Variants in HMCN2 observed in about 807,000 individuals in gnomAD.
HMCN2 encodes the protein hemicentin 2.
HMCN2 carries 325 observed loss-of-function variants against 377.5 expected under a neutral mutation model. That is an observed-to-expected ratio of 0.86 (90% confidence interval 0.79 to 0.94). The LOEUF (loss-of-function observed/expected upper bound fraction) is 0.94, where lower values mean the gene tolerates loss of function less well. HMCN2 is among the 40% of genes least tolerant of loss of function. The pLI, the probability that HMCN2 is intolerant of heterozygous loss-of-function variation, is 0.00. For missense variants in HMCN2, 4,543 were observed against 4,725.3 expected, an observed-to-expected ratio of 0.96 and a Z score of 1.13; for synonymous variants, 2,007 against 2,046.8, an observed-to-expected ratio of 0.98 and a Z score of 0.53.
intron 44 of HMCN2, among the ~76,000 whole-genome samples, chr9:130,368,852 A>G (rs11243783): frequency 1.3e-5 from 2 of 152,170 alleles, no homozygotes; most frequent in Non-Finnish European, 2.9e-5. Flanking sequence ...GAAACCGCCC[A>G]GATGATCCAA....
In HMCN2 at chr9:130,417,540, A is replaced by C. The variant is rs1843764287; in HGVS notation, c.12962-1232A>C. Among the ~76,000 whole-genome samples, 5 of 144,288 alleles carry C rather than the reference A, an allele frequency of 3.5e-5. 1 individual carries two copies. The South Asian group carries it at 8.4e-4, about 24-fold the overall frequency. 94.7% of individuals were successfully genotyped at this position (144,288 alleles called of 152,430 possible). Reference sequence around the variant, plus strand: ...CCGTCTCAAAAAAAAAAAAAAAACAAAAAAAAACGAGAGAGACAGAGAGCT... The same window carrying C: ...CCGTCTCAAAAAAAAAAAAAAAACACAAAAAAACGAGAGAGACAGAGAGCT... On this transcript the variant is annotated intron_variant, in intron 85 of 97. Transcript: ENST00000683500.
rs1238553893 is a variant in HMCN2, at chr9:130,402,822, AC to A, written c.11805del (p.His3935GlnfsTer15). 1.0e-5 allele frequency: 13 copies of A among 1,289,496 alleles called. No individual in the cohort carries two copies. The highest frequency in any genetic ancestry group is 1.3e-5 in the Non-Finnish European group (13 of 988,800). 79.9% of individuals were successfully genotyped at this position (1,289,496 alleles called of 1,614,324 possible). ...GAGATCGGGCAGGCCCTCCCCATCC[AC>A]GCAGGCCGCTACACCTGCTCAGCCC... ...ALEIGQALPI[H>X]AGRYTCSARN... On this transcript the variant is annotated frameshift_variant, in exon 78 of 98. Coordinates refer to ENST00000683500, the MANE Select transcript of HMCN2 (RefSeq NM_001291815.2). LOFTEE classifies it high-confidence loss of function.
chr9:130,430,100 G>A, intron 94 of HMCN2, 184 bp from the exon 95 acceptor site: 2 of 624,944 alleles, frequency 3.2e-6, no homozygotes, highest in Non-Finnish European at 5.5e-6. Flanking sequence ...GGAGCTGTAG[G>A]TGGAATCGGA....
At chr9:130,378,920 G>A (rs932968433) in intron 53 of HMCN2, among the ~76,000 whole-genome samples, 2 of 152,160 alleles carry the variant, frequency 1.3e-5, no homozygotes, top group African/African-American at 4.8e-5. Flanking sequence ...ATGATTTTGT[G>A]CCTCTATGCT....
intron 6 of HMCN2, among the ~76,000 whole-genome samples, chr9:130,296,166 G>A (rs1836140534): frequency 6.6e-6 from 1 of 152,194 alleles, no homozygotes; most frequent in South Asian, 2.1e-4. Context: ...GCCAGGGACT[G>A]TGGGCCAGTT....
At chr9:130,310,788 C>T (rs1465949980) in intron 15 of HMCN2, among the ~76,000 whole-genome samples, 4 of 152,166 alleles carry the variant, frequency 2.6e-5, no homozygotes, top group East Asian at 1.9e-4. Flanking sequence ...ATTCCAGTCT[C>T]GTCTCTGTCC....
At position 130,394,449 on chromosome 9, in the gene HMCN2, GGAGCTCCTCTGTGAT is replaced by G; in HGVS notation, c.10568_10582del (p.Glu3523_Asp3527del). ...TGTCGCTGACCCCCGGCGCCCCCAT[GGAGCTCCTCTGTGAT>G]GCCCAGGGCACCCCCCAGCCCAACA... is the stretch of plus-strand genomic sequence containing the variant. On this transcript the variant is annotated inframe_deletion, in exon 69 of 98. Transcript: ENST00000683500. This position sits in a 1 kb window ranked among gnomAD's most constrained non-coding sequence, Gnocchi z 5.1. The G allele has an allele frequency of 7.8e-7, 1 of 1,289,798 alleles. No individual in the cohort carries two copies. The highest frequency in any genetic ancestry group is 1.0e-6 in the Non-Finnish European group (1 of 988,830). The allele number at this position is 1,289,798 out of a possible 1,614,324, so 79.9% of individuals were successfully genotyped here. A position where few individuals can be genotyped will look rare whatever the true frequency, so the allele number is the denominator to read the frequency against.
At chr9:130,384,850 C>T (rs934901579) in intron 59 of HMCN2, 52 bp downstream of exon 59, 13 of 1,163,020 alleles carry the variant, frequency 1.1e-5, no homozygotes, top group African/African-American at 1.6e-5. Context: ...TTCAGTCACC[C>T]CTCAGCCCAT....
intron 22 of HMCN2, among the ~76,000 whole-genome samples, chr9:130,332,336 G>A (rs959483555): frequency 2.0e-5 from 3 of 152,206 alleles, no homozygotes; most frequent in Non-Finnish European, 4.4e-5. Context: ...TCCAGTCCTC[G>A]CTGTGCCCTG....
intron 62 of HMCN2, among the ~76,000 whole-genome samples, chr9:130,389,459 C>T (rs1218539126): frequency 2.0e-5 from 3 of 152,188 alleles, no homozygotes; most frequent in Non-Finnish European, 4.4e-5. Flanking sequence ...GTGGATTGGC[C>T]TGTTCTGGGC....
intron 51 of HMCN2, 33 bp from the exon 52 acceptor site, chr9:130,376,483 C>T (rs939878489): frequency 4.1e-6 from 4 of 980,078 alleles, no homozygotes; most frequent in Non-Finnish European, 4.8e-6. Flanking sequence ...ACCCATCCCC[C>T]AGCTCTGCTC....
At chr9:130,290,878 AAAC>A (rs1328365935) in intron 4 of HMCN2, among the ~76,000 whole-genome samples, 48 of 152,156 alleles carry the variant, frequency 3.2e-4, no homozygotes, top group African/African-American at 1.1e-3. Flanking sequence ...AAAAAAAAAA[AAAC>A]AAAAACCCAA....
Position 130,265,892 on chromosome 9 carries a change from C to T in HMCN2, c.14C>T (p.Ala5Val). 4 of 366,746 alleles carry T rather than the reference C, an allele frequency of 1.1e-5. No individual in the cohort carries two copies. Among genetic ancestry groups the T allele is most frequent in the South Asian group, 8.0e-5 (4 of 49,866 alleles). 22.7% of individuals were successfully genotyped at this position (366,746 alleles called of 1,614,324 possible). A position where few individuals can be genotyped will look rare whatever the true frequency, so the allele number is the denominator to read the frequency against. MMPG[A>V]PLLRLLTAVS... Reference sequence around the variant, plus strand: ...GCCGCGCTCGGCATGATGCCCGGGGCGCCGCTCCTGCGGCTGCTGACCGCG... The same window carrying T: ...GCCGCGCTCGGCATGATGCCCGGGGTGCCGCTCCTGCGGCTGCTGACCGCG... Residue 5 changes from alanine to valine, a missense_variant, in exon 1 of 98, where the codon GCG becomes GTG. Around this residue, in one of 5 missense-constraint regions of HMCN2, gnomAD observed 547 missense variants for 189.9 expected, o/e 2.88. Transcript: ENST00000683500.
At chr9:130,372,917 G>A (rs1345649244) in intron 47 of HMCN2, 121 bp from the exon 48 acceptor site, 45 of 164,554 alleles carry the variant, frequency 2.7e-4, no homozygotes, top group Non-Finnish European at 1.3e-5. Context: ...GCATGGGATG[G>A]GGAAACTGAG....
At chr9:130,335,050 G>A (rs1314109127) in intron 22 of HMCN2, among the ~76,000 whole-genome samples, 9 of 152,230 alleles carry the variant, frequency 5.9e-5, no homozygotes, top group African/African-American at 2.2e-4. Flanking sequence ...TACCCAGACT[G>A]TGTGCTGCCT....
chr9:130,290,871 A>C (rs993133808), intron 4 of HMCN2, among the ~76,000 whole-genome samples: 1 of 152,046 alleles, frequency 6.6e-6, no homozygotes, highest in Non-Finnish European at 1.5e-5. Context: ...TGAAAAAAAA[A>C]AAAAAAAAAC....
At position 130,399,521 on chromosome 9, in the gene HMCN2, T is replaced by TCCAACG. The variant is rs1334554555; in HGVS notation, c.11497_11502dup (p.Asn3833_Ala3834dup). Reference sequence around the variant, plus strand: ...GTCTGTCCACCCCAGGCTCCTGCCCTCCAACGCCCTGCTCCTCACGGCCCC... The same window carrying TCCAACG: ...GTCTGTCCACCCCAGGCTCCTGCCCTCCAACGCCAACGCCCTGCTCCTCACGGCCCC... On this transcript the variant is annotated inframe_insertion, in exon 76 of 98. Coordinates refer to ENST00000683500, the MANE Select transcript of HMCN2 (RefSeq NM_001291815.2). The TCCAACG allele has an allele frequency of 7.8e-7, 1 of 1,287,080 alleles. No individual in the cohort carries two copies. Among genetic ancestry groups the TCCAACG allele is most frequent in the Non-Finnish European group, 1.0e-6 (1 of 986,938 alleles). The allele number at this position is 1,287,080 out of a possible 1,614,324, so 79.7% of individuals were successfully genotyped here. A position where few individuals can be genotyped will look rare whatever the true frequency, so the allele number is the denominator to read the frequency against.
At position 130,394,089 on chromosome 9, in the gene HMCN2, G is replaced by A. The variant is rs75691725; in HGVS notation, c.10501+81G>A. On this transcript the variant is annotated intron_variant, in intron 68 of 97. Coordinates refer to ENST00000683500, the MANE Select transcript of HMCN2 (RefSeq NM_001291815.2). The surrounding 1 kb of genome is among the most constrained non-coding windows in gnomAD (Gnocchi z 5.1). ...CTAGGGGCAATGGGAAGGACAGTGA[G>A]GGAGGTGAGTCCCCTGGAGACCTGG... is the stretch of plus-strand genomic sequence containing the variant. The A allele has an allele frequency of 0.038, 44,583 of 1,160,946 alleles. 979 individuals carry two copies. The highest frequency in any genetic ancestry group is 0.044 in the Non-Finnish European group (40,280 of 916,954). The allele number at this position is 1,160,946 out of a possible 1,614,324, so 71.9% of individuals were successfully genotyped here.
chr9:130,421,945 C>T (rs1240282352), intron 86 of HMCN2, among the ~76,000 whole-genome samples: 1 of 152,248 alleles, frequency 6.6e-6, no homozygotes, highest in Non-Finnish European at 1.5e-5. Flanking sequence ...CCCTGGAATG[C>T]CATCTGCCTA....
Sources: gnomAD v4.1 joint callset for allele counts (sites outside exome capture counted in the v4.1 genomes callset) on GRCh38, gnomAD v4.1.1 for gene constraint, gnomAD v4.1.1 regional missense constraint, Gnocchi (gnomAD v3.1) non-coding constraint, MANE v1.5 for transcripts, NCBI Gene and HGNC (gene_info 2026-07-23, HGNC 2026-07-21) for gene names.